TTLL3: variants seen among roughly 807,000 people sequenced by gnomAD.
The protein encoded by TTLL3 is tubulin tyrosine ligase like 3, also known as tubulin monoglycylase TTLL3.
A neutral mutation model predicts 75.2 loss-of-function variants in TTLL3; 63 were observed. The ratio of observed to expected loss-of-function variants is 0.84; its 90% CI spans 0.68 to 1.03. The LOEUF (loss-of-function observed/expected upper bound fraction) is 1.03, where lower values mean the gene tolerates loss of function less well. TTLL3 is among the 50% of genes least tolerant of loss of function. The pLI is 0.00. For missense variants in TTLL3, 997 were observed against 1,069.9 expected (o/e 0.93, Z 0.95); for synonymous variants, 393 against 418.5 (o/e 0.94, Z 0.74).
At chr3:9,824,868 G>C (rs1359998999) in intron 8 of TTLL3, among the ~76,000 whole-genome samples, 1 of 150,846 alleles carries the variant, frequency 6.6e-6, no homozygotes, top group African/African-American at 2.4e-5. Context: ...AGTCTCCCAA[G>C]TAGCTGGGAT....
rs756847595 is a variant in TTLL3 at position 9,810,596 on chromosome 3, G to T, written c.-41-25G>T. 5.8e-6 allele frequency: 9 copies of T among 1,551,508 alleles called. No homozygotes were observed. In the South Asian group the frequency reaches 9.5e-5, roughly 16 times the overall value. ...CCTAGGCCCAGCCTCAGTGTACCCC[G>T]CCCCTATTCCGCATCTTTCTGCAGG... On this transcript the variant is annotated intron_variant, in intron 1 of 13. Coordinates refer to ENST00000685419, the MANE Select transcript of TTLL3 (RefSeq NM_001387446.1). This position sits in a 1 kb window ranked among gnomAD's most constrained non-coding sequence, Gnocchi z 4.4.
chr3:9,832,776 G>C (rs1035927402), intron 11 of TTLL3, among the ~76,000 whole-genome samples: 2 of 152,216 alleles, frequency 1.3e-5, no homozygotes, highest in Admixed American at 6.5e-5. Flanking sequence ...GATTGGCTCA[G>C]CTCAGGAAGC....
chr3:9,835,790 T>A lies in TTLL3; in HGVS notation c.*301T>A. ...ACCGGGCATAGGAACGTTAATGCCA[T>A]GAGACAGGGGAAGGAATTGGCCTTG... On this transcript the variant is annotated 3_prime_UTR_variant, in exon 14 of 14. Coordinates refer to ENST00000685419, the MANE Select transcript of TTLL3 (RefSeq NM_001387446.1). 2.7e-6 allele frequency: 1 copy of A among 364,532 alleles called. No individual in the cohort carries two copies. The highest frequency in any genetic ancestry group is 4.9e-5 in the East Asian group (1 of 20,238). The allele number at this position is 364,532 out of a possible 1,614,324, so 22.6% of individuals were successfully genotyped here. A position where few individuals can be genotyped will look rare whatever the true frequency, so the allele number is the denominator to read the frequency against.
chr3:9,820,310 G>A (rs2080289865), intron 7 of TTLL3: 1 of 1,371,948 alleles, frequency 7.3e-7, no homozygotes, highest in Non-Finnish European at 9.4e-7. Flanking sequence ...GGGACATTTA[G>A]GGCAGAGCCT....
rs781124025 is a variant in TTLL3, at chr3:9,810,633, T to C, written c.-29T>C. Reference sequence around the variant, plus strand: ...CATCTTTCTGCAGGTTTCCCGGTCCTCTGGCGAGGATCCTCCAAGGCGTCT... The same window carrying C: ...CATCTTTCTGCAGGTTTCCCGGTCCCCTGGCGAGGATCCTCCAAGGCGTCT... On this transcript the variant is annotated 5_prime_UTR_variant, in exon 2 of 14. Transcript: ENST00000685419. The surrounding 1 kb of genome is among the most constrained non-coding windows in gnomAD (Gnocchi z 4.4). The C allele has an allele frequency of 6.4e-7, 1 of 1,570,610 alleles. No individual in the cohort carries two copies.
At position 9,820,636 on chromosome 3, in the gene TTLL3, T is replaced by C. The variant is rs753084017; in HGVS notation, c.749T>C (p.Leu250Pro). ...DEALCACEEY[L>P]SNLAHMDIDK... Reference sequence around the variant, plus strand: ...GCTCTGTGTGCGTGCGAGGAGTACCTTAGCAACTTGGCCCACATGGACATC... The same window carrying C: ...GCTCTGTGTGCGTGCGAGGAGTACCCTAGCAACTTGGCCCACATGGACATC... The change falls in exon 8 of 14, where the codon CTT (leucine) becomes CCT (proline). Residue 250 changes from leucine to proline, a missense_variant. Leu to Pro is a moderately conservative substitution (Grantham distance 98). Coordinates refer to ENST00000685419, the MANE Select transcript of TTLL3 (RefSeq NM_001387446.1). 3 of 1,614,080 alleles carry C rather than the reference T, an allele frequency of 1.9e-6. No homozygotes were observed. In the South Asian group the frequency reaches 3.3e-5, roughly 18 times the overall value.
At chr3:9,811,104 C>G (rs1230209689) in intron 2 of TTLL3, among the ~76,000 whole-genome samples, 2 of 152,188 alleles carry the variant, frequency 1.3e-5, no homozygotes, top group East Asian at 3.8e-4. Flanking sequence ...TTTTCAGCGG[C>G]CTTTAAAGGT....
chr3:9,822,367 A>G (rs2080525793), intron 8 of TTLL3, among the ~76,000 whole-genome samples: 1 of 151,612 alleles, frequency 6.6e-6, no homozygotes, highest in Non-Finnish European at 1.5e-5. Context: ...GCGCCCGGCC[A>G]TGAGTCCTTT....
intron 2 of TTLL3, among the ~76,000 whole-genome samples, chr3:9,811,471 G>A (rs976049988): frequency 1.3e-5 from 2 of 152,028 alleles, no homozygotes; most frequent in East Asian, 1.9e-4. Context: ...CCTCCAAAAC[G>A]ATTCTCAACT....
At chr3:9,809,986 G>GGCGGGCGCGGGATCAGGGGCCCTGGGAGT (rs1559733289), upstream of TTLL3, 2 of 1,296,486 alleles carry the variant, frequency 1.5e-6, no homozygotes, top group Non-Finnish European at 9.7e-7. Context: ...GCCCTGGGAG[G>GGCGGGCGCGGGATCAGGGGCCCTGGGAGT]GCGAGCGCGG....
At position 9,819,322 on chromosome 3, in the gene TTLL3, A is replaced by T. The variant is rs533203432; in HGVS notation, c.658+402A>T. ...TATTCCATTCTCCCATCTACTACCT[A>T]TCTGTTCTTCAGGCCATCCACTCAT... On this transcript the variant is annotated intron_variant, in intron 7 of 13. Coordinates refer to ENST00000685419, the MANE Select transcript of TTLL3 (RefSeq NM_001387446.1). 4.2e-5 allele frequency: 9 copies of T among 214,952 alleles called. No individual in the cohort carries two copies. In the South Asian group the frequency reaches 6.0e-4, roughly 14 times the overall value. 13.3% of individuals were successfully genotyped at this position (214,952 alleles called of 1,614,324 possible). A position where few individuals can be genotyped will look rare whatever the true frequency, so the allele number is the denominator to read the frequency against.
At chr3:9,825,424 A>G (rs924449327) in intron 8 of TTLL3, 4 of 287,682 alleles carry the variant, frequency 1.4e-5, no homozygotes, top group East Asian at 9.1e-5. Context: ...GTGAAAATAT[A>G]TGGAAAGCCC....
chr3:9,810,054 G>A, upstream of TTLL3: 2 of 1,338,160 alleles, frequency 1.5e-6, no homozygotes, highest in Non-Finnish European at 1.9e-6. This position sits in a 1 kb window ranked among gnomAD's most constrained non-coding sequence, Gnocchi z 4.4. Flanking sequence ...GGGAGCTGGG[G>A]CCCGGGCGCC....
chr3:9,828,726 G>A lies in TTLL3; in HGVS notation c.1248-234G>A, dbSNP rs576001206. 562 of 581,276 alleles carry A rather than the reference G, an allele frequency of 9.7e-4. 7 individuals are homozygous for A. The South Asian group carries it at 0.012, about 12-fold the overall frequency. The allele number at this position is 581,276 out of a possible 1,614,324, so 36.0% of individuals were successfully genotyped here. A position where few individuals can be genotyped will look rare whatever the true frequency, so the allele number is the denominator to read the frequency against. On this transcript the variant is annotated intron_variant, in intron 10 of 13. Transcript: ENST00000685419. ...CTATGCACAAAGCACTTACTACTGCGGCCCCCGTAACTAGCGCCCTCAGAG... is the reference window on the plus strand; with the variant it reads ...CTATGCACAAAGCACTTACTACTGCAGCCCCCGTAACTAGCGCCCTCAGAG...
At chr3:9,826,296 G>A (rs2081034983) in intron 9 of TTLL3, among the ~76,000 whole-genome samples, 1 of 152,180 alleles carries the variant, frequency 6.6e-6, no homozygotes, top group South Asian at 2.1e-4. Flanking sequence ...ATATCCATAA[G>A]GTCCTGGAAG....
At chr3:9,834,608 C>G in intron 12 of TTLL3, 73 bp from the exon 13 acceptor site, 1 of 1,592,758 alleles carries the variant, frequency 6.3e-7, no homozygotes. Context: ...CCATCCTCCA[C>G]ACGTACCTGT....
Position 9,813,454 on chromosome 3 carries a change from T to G in TTLL3, c.315+109T>G, listed in dbSNP as rs1240961893. On this transcript the variant is annotated intron_variant, in intron 4 of 13. Transcript: ENST00000685419. ...AGTCCTTTCTTTCTCTGGGCCACAG[T>G]TTCCCTATCTGTAGTAAAAACTGCT... 3 of 1,260,824 alleles carry G rather than the reference T, an allele frequency of 2.4e-6. No individual in the cohort carries two copies. The African/African-American group carries it at 4.4e-5, about 19-fold the overall frequency. The allele number at this position is 1,260,824 out of a possible 1,614,324, so 78.1% of individuals were successfully genotyped here. A position where few individuals can be genotyped will look rare whatever the true frequency, so the allele number is the denominator to read the frequency against.
At position 9,812,752 on chromosome 3, in the gene TTLL3, T is replaced by C. The variant is rs977173057; in HGVS notation, c.49-191T>C. On this transcript the variant is annotated intron_variant, in intron 2 of 13. Coordinates refer to ENST00000685419, the MANE Select transcript of TTLL3 (RefSeq NM_001387446.1). ...CATGTAGTAGGTCCTCAATAAATATTAGCCATTGCTATTATCATTATTACC... is the reference window on the plus strand; with the variant it reads ...CATGTAGTAGGTCCTCAATAAATATCAGCCATTGCTATTATCATTATTACC... 8 of 576,742 alleles carry C rather than the reference T, an allele frequency of 1.4e-5. No homozygotes were observed. The South Asian group carries it at 2.3e-4, about 17-fold the overall frequency. The allele number at this position is 576,742 out of a possible 1,614,324, so 35.7% of individuals were successfully genotyped here.
rs376439177 is a variant in TTLL3 at position 9,817,641 on chromosome 3, G to A, written c.445-4G>A. ...CCCTGCCCTCTCAGTGGCTAACTCC[G>A]TAGGTGGGTCTATGTCTCAATCTCC... On this transcript the variant is annotated splice_region_variant and splice_polypyrimidine_tract_variant and intron_variant, in intron 5 of 13. Transcript: ENST00000685419. The A allele has an allele frequency of 3.2e-5, 52 of 1,613,940 alleles. No homozygotes were observed. The highest frequency in any genetic ancestry group is 1.2e-4 in the South Asian group (11 of 91,084).
Sources: gnomAD v4.1 joint callset for allele counts (sites outside exome capture counted in the v4.1 genomes callset) on GRCh38, gnomAD v4.1.1 for gene constraint, Gnocchi (gnomAD v3.1) non-coding constraint, MANE v1.5 for transcripts, NCBI Gene and HGNC (gene_info 2026-07-23, HGNC 2026-07-21) for gene names.